Variants in CDH13 observed in about 807,000 individuals in gnomAD.
The protein encoded by CDH13 is cadherin-13.
A neutral mutation model predicts 63.8 loss-of-function variants in CDH13; 24 were observed. That is an observed-to-expected ratio of 0.38 (90% CI 0.27 to 0.53). The LOEUF is 0.53. Ranked by LOEUF, CDH13 falls within the 20% of genes least tolerant of loss-of-function variation. The probability of loss-of-function intolerance (pLI) is 0.85; values close to 1 mark genes in which losing one functional copy is unlikely to be tolerated. For missense variants in CDH13, 1,049 were observed against 903.1 expected (o/e 1.16, Z -2.07); for synonymous variants, 503 against 355.3 (o/e 1.42, Z -4.67).
At chr16:83,463,967 C>G (rs1298031539) in intron 6 of CDH13, among the ~76,000 whole-genome samples, 1 of 152,160 alleles carries the variant, frequency 6.6e-6, no homozygotes, top group African/African-American at 2.4e-5. Context: ...AGGACCACCA[C>G]TTTTGTAGCA....
chr16:83,548,099 G>T lies in CDH13; in HGVS notation c.961-54355G>T, dbSNP rs565916224. Among the ~76,000 whole-genome samples, 671 of 152,250 alleles carry T rather than the reference G, an allele frequency of 4.4e-3. 3 individuals carry two copies. Among genetic ancestry groups the T allele is most frequent in the Middle Eastern group, 0.017 (5 of 294 alleles). On this transcript the variant is annotated intron_variant, in intron 7 of 13. Transcript: ENST00000567109. The stretch of plus-strand genomic sequence containing the variant: ...TGCCAGATAGATTGGAGCAGGAAGG[G>T]GGGGATGGGAAGCTAGCCAAGAGCA...
intron 2 of CDH13, among the ~76,000 whole-genome samples, chr16:82,972,325 C>T (rs1457585590): frequency 2.0e-5 from 3 of 152,166 alleles, no homozygotes; most frequent in African/African-American, 4.8e-5. Flanking sequence ...GGGTGAGAAG[C>T]AGGGAATGAT....
At chr16:82,894,281 C>G (rs78356325) in intron 2 of CDH13, among the ~76,000 whole-genome samples, 248 of 152,280 alleles carry the variant, frequency 1.6e-3, no homozygotes, top group African/African-American at 5.6e-3. Flanking sequence ...GGATTGTTCT[C>G]CCATGTTGGA....
At chr16:83,427,677 C>G (rs1040404449) in intron 6 of CDH13, among the ~76,000 whole-genome samples, 1 of 152,112 alleles carries the variant, frequency 6.6e-6, no homozygotes, top group South Asian at 2.1e-4. Context: ...TGCCTTGTGC[C>G]TTCAGGATTC....
chr16:82,707,123 G>A (rs62036341), intron 1 of CDH13, among the ~76,000 whole-genome samples: 4,383 of 152,296 alleles, frequency 0.029, 99 homozygotes, highest in South Asian at 0.083. Context: ...TTCCTAAAGC[G>A]TAAAGTTGGA....
At chr16:83,714,828 T>C (rs768099894) in intron 10 of CDH13, among the ~76,000 whole-genome samples, 6 of 152,192 alleles carry the variant, frequency 3.9e-5, no homozygotes, top group Non-Finnish European at 8.8e-5. Flanking sequence ...GATACTCATC[T>C]ATCTTCGATG....
intron 5 of CDH13, among the ~76,000 whole-genome samples, chr16:83,239,482 G>A (rs76960145): frequency 2.0e-5 from 3 of 152,050 alleles, no homozygotes; most frequent in East Asian, 1.9e-4. Flanking sequence ...GTCTTACTTC[G>A]CCAGCCACCA....
In CDH13 at chr16:83,559,011, A is replaced by C. The variant is rs987191018; in HGVS notation, c.961-43443A>C. Among the ~76,000 whole-genome samples, 9 of 152,112 alleles carry C rather than the reference A, an allele frequency of 5.9e-5. No individual in the cohort carries two copies. In the East Asian group the frequency reaches 9.6e-4, roughly 16 times the overall value. Reference sequence around the variant, plus strand: ...CAATGGGGTCAGCATCTCATAAATTAGTCATGCTGGAGCCCTCTCCAGGAG... The same window carrying C: ...CAATGGGGTCAGCATCTCATAAATTCGTCATGCTGGAGCCCTCTCCAGGAG... On this transcript the variant is annotated intron_variant, in intron 7 of 13. Coordinates refer to ENST00000567109, the MANE Select transcript of CDH13 (RefSeq NM_001257.5).
intron 10 of CDH13, among the ~76,000 whole-genome samples, chr16:83,718,972 G>C (rs1445860520): frequency 6.6e-6 from 1 of 152,178 alleles, no homozygotes; most frequent in African/African-American, 2.4e-5. Flanking sequence ...AAGGCCTTTG[G>C]CTGCTGGTGC....
intron 4 of CDH13, among the ~76,000 whole-genome samples, chr16:83,138,203 C>T (rs2036380929): frequency 6.6e-6 from 1 of 152,030 alleles, no homozygotes; most frequent in East Asian, 1.9e-4. Flanking sequence ...ATACACTCTC[C>T]CTAGGCTGAA....
chr16:83,108,983 T>C (rs963002302), intron 3 of CDH13, among the ~76,000 whole-genome samples: 9 of 152,102 alleles, frequency 5.9e-5, no homozygotes, highest in Non-Finnish European at 1.2e-4. Context: ...ACTTCCTCAT[T>C]CTCCTGCCCA....
chr16:83,404,073 A>G (rs2092007338), intron 6 of CDH13, among the ~76,000 whole-genome samples: 1 of 152,220 alleles, frequency 6.6e-6, no homozygotes, highest in African/African-American at 2.4e-5. Flanking sequence ...CAGATTAAAA[A>G]TCCCACAAAA....
At chr16:83,604,832 A>G (rs746861255) in intron 8 of CDH13, among the ~76,000 whole-genome samples, 45 of 152,342 alleles carry the variant, frequency 3.0e-4, no homozygotes, top group Non-Finnish European at 6.2e-4. Context: ...GAGATTAATT[A>G]GTTACTTCAA....
intron 7 of CDH13, among the ~76,000 whole-genome samples, chr16:83,568,039 C>G (rs569381224): frequency 6.6e-6 from 1 of 152,164 alleles, no homozygotes; most frequent in African/African-American, 2.4e-5. Flanking sequence ...AAACCCAGCT[C>G]ACAAGCAGGC....
chr16:83,376,023 G>A (rs1009868623), intron 6 of CDH13, among the ~76,000 whole-genome samples: 1 of 152,188 alleles, frequency 6.6e-6, no homozygotes, highest in Non-Finnish European at 1.5e-5. Flanking sequence ...GAGCTTTAGG[G>A]ATAGCAGTAT....
chr16:83,763,476 C>T (rs1014396860), intron 11 of CDH13, among the ~76,000 whole-genome samples: 1 of 152,112 alleles, frequency 6.6e-6, no homozygotes, highest in Non-Finnish European at 1.5e-5. Flanking sequence ...TTATAGCCCC[C>T]AAACTGAGGG....
intron 4 of CDH13, among the ~76,000 whole-genome samples, chr16:83,201,962 A>C (rs2039045504): frequency 6.6e-6 from 1 of 152,172 alleles, no homozygotes; most frequent in South Asian, 2.1e-4. Context: ...ATTATTTACC[A>C]GCTGTAGGGT....
chr16:83,482,294 C>A (rs1423443724), intron 6 of CDH13, among the ~76,000 whole-genome samples: 1 of 152,186 alleles, frequency 6.6e-6, no homozygotes, highest in African/African-American at 2.4e-5. Context: ...AGTCTATACC[C>A]TCCAAGAGCT....
chr16:83,100,586 C>T (rs981662778), intron 3 of CDH13, among the ~76,000 whole-genome samples: 7 of 152,318 alleles, frequency 4.6e-5, no homozygotes, highest in East Asian at 1.9e-4. Context: ...CTGTAGTCCT[C>T]ATCACCATTT....
Sources: allele counts gnomAD v4.1 joint callset (sites outside exome capture counted in the v4.1 genomes callset), GRCh38; gene constraint gnomAD v4.1.1; transcripts MANE v1.5; gene names NCBI Gene and HGNC (gene_info 2026-07-23, HGNC 2026-07-21).